The following CGNL1 variants were observed in gnomAD, a reference collection of about 807,000 sequenced individuals.
CGNL1 encodes the protein cingulin-like protein 1.
A neutral mutation model predicts 141.2 loss-of-function variants in CGNL1; 132 were observed. The ratio of observed to expected loss-of-function variants is 0.93; its 90% CI spans 0.81 to 1.08. The LOEUF is 1.08. CGNL1 is among the 50% of genes least tolerant of loss of function. The probability of loss-of-function intolerance (pLI) is 0.00; values close to 1 mark genes in which losing one functional copy is unlikely to be tolerated. For synonymous variants in CGNL1, 690 were observed against 622.1 expected, an observed-to-expected ratio of 1.11 and a Z score of -1.63; for missense variants, 1,870 against 1,588.6, an observed-to-expected ratio of 1.18 and a Z score of -3.01.
At chr15:57,443,867 A>C (rs1242336615) in intron 4 of CGNL1, among the ~76,000 whole-genome samples, 1 of 152,224 alleles carries the variant, frequency 6.6e-6, no homozygotes, top group Admixed American at 6.5e-5. Flanking sequence ...TTACAGAGCA[A>C]TATAAAGGGT....
intron 4 of CGNL1, among the ~76,000 whole-genome samples, 198 bp from the exon 5 acceptor site, chr15:57,451,302 C>A (rs2063318834): frequency 6.6e-6 from 1 of 152,108 alleles, no homozygotes. Context: ...TCACTGGAGT[C>A]CCAAGGCAGG....
intron 8 of CGNL1, among the ~76,000 whole-genome samples, chr15:57,506,411 C>T (rs1567159224): frequency 1.3e-5 from 2 of 152,132 alleles, no homozygotes; most frequent in African/African-American, 4.8e-5. Flanking sequence ...ATGTGAGGCT[C>T]CTTTTATCTC....
chr15:57,516,158 C>CAAAAAAA (rs10559176), intron 8 of CGNL1, among the ~76,000 whole-genome samples: 1 of 73,276 alleles, frequency 1.4e-5, no homozygotes, highest in Non-Finnish European at 2.6e-5. Flanking sequence ...GACTCTGTCT[C>CAAAAAAA]AAAAAAAAAA....
chr15:57,400,287 C>G lies in CGNL1; in HGVS notation c.-16+23720C>G, dbSNP rs113983974. ...GGATTATAGGCGTGAGCCATTGCAC[C>G]CAGCCTCTTCTCATTCTTAGGTCTG... On this transcript the variant is annotated intron_variant, in intron 1 of 18. Coordinates refer to ENST00000281282, the MANE Select transcript of CGNL1 (RefSeq NM_032866.5). Among the ~76,000 whole-genome samples the G allele has an allele frequency of 2.6e-3, 395 of 152,282 alleles. 2 individuals carry two copies. The highest frequency in any genetic ancestry group is 9.0e-3 in the African/African-American group (373 of 41,570).
chr15:57,395,572 T>C (rs1458062760), intron 1 of CGNL1, among the ~76,000 whole-genome samples: 1 of 152,200 alleles, frequency 6.6e-6, no homozygotes, highest in Non-Finnish European at 1.5e-5. Flanking sequence ...TATTGCACAG[T>C]GATTAAGGGC....
intron 8 of CGNL1, among the ~76,000 whole-genome samples, chr15:57,515,442 A>T (rs1261071438): frequency 6.6e-6 from 1 of 152,216 alleles, no homozygotes; most frequent in Non-Finnish European, 1.5e-5. Flanking sequence ...TCTAGCAGAT[A>T]CTTCTCCCAC....
intron 7 of CGNL1, among the ~76,000 whole-genome samples, chr15:57,458,713 A>G (rs1482868739): frequency 6.6e-6 from 1 of 152,174 alleles, no homozygotes; most frequent in East Asian, 1.9e-4. Context: ...AGCAACAGTA[A>G]TTCAGGAGAG....
At chr15:57,488,844 C>A (rs1424010301) in intron 8 of CGNL1, among the ~76,000 whole-genome samples, 7 of 152,180 alleles carry the variant, frequency 4.6e-5, no homozygotes, top group Admixed American at 3.9e-4. Context: ...GACTTCCGGG[C>A]TGTCAATGTA....
chr15:57,459,023 C>A (rs960544487), intron 7 of CGNL1, among the ~76,000 whole-genome samples: 1 of 152,060 alleles, frequency 6.6e-6, no homozygotes, highest in Admixed American at 6.5e-5. Context: ...ATCTCGTTGT[C>A]GGTTATACTT....
intron 10 of CGNL1, among the ~76,000 whole-genome samples, chr15:57,521,864 G>T (rs192863462): frequency 6.6e-6 from 1 of 152,216 alleles, no homozygotes; most frequent in East Asian, 1.9e-4. Flanking sequence ...TTTGGGGAGG[G>T]GGTTGAGTTG....
chr15:57,518,287 C>T, intron 9 of CGNL1, 106 bp from the exon 10 acceptor site: 1 of 786,830 alleles, frequency 1.3e-6, no homozygotes, highest in East Asian at 2.7e-5. Context: ...TGACCATAGC[C>T]ACTGCCATAT....
intron 14 of CGNL1, among the ~76,000 whole-genome samples, chr15:57,533,690 G>A (rs1231439136): frequency 6.6e-6 from 1 of 152,192 alleles, no homozygotes; most frequent in Non-Finnish European, 1.5e-5. Context: ...GCCCAACACT[G>A]ACAGAACTGA....
rs1201314188 is a variant in CGNL1 at position 57,523,652 on chromosome 15, G to A, written c.2868+11G>A. ...AAACTGCAGAAGGAGGTGAGGGGCT[G>A]GAGGAGGAAAGAGGAAGTAGGGCCA... On this transcript the variant is annotated intron_variant, in intron 11 of 18. Transcript: ENST00000281282. 9.3e-6 allele frequency: 15 copies of A among 1,613,520 alleles called. No homozygotes were observed. Among genetic ancestry groups the A allele is most frequent in the Non-Finnish European group, 1.3e-5 (15 of 1,179,810 alleles).
chr15:57,477,901 C>T (rs2063676812), intron 8 of CGNL1, among the ~76,000 whole-genome samples: 1 of 152,152 alleles, frequency 6.6e-6, no homozygotes, highest in Admixed American at 6.5e-5. Context: ...ACGTGGCTGG[C>T]AGGTGGTGAA....
chr15:57,544,456 T>C lies in CGNL1; in HGVS notation c.3376-17T>C, dbSNP rs1363758769. ...GGCAGACACATAGCCCCTCACAGTC[T>C]CCCTGTGTTGTTCCAGAACAAGGAC... is the stretch of plus-strand genomic sequence containing the variant. On this transcript the variant is annotated splice_polypyrimidine_tract_variant and intron_variant, in intron 15 of 18. Coordinates refer to ENST00000281282, the MANE Select transcript of CGNL1 (RefSeq NM_032866.5). The C allele has an allele frequency of 1.9e-6, 3 of 1,613,842 alleles. No individual in the cohort carries two copies. The Admixed American group carries it at 5.0e-5, about 27-fold the overall frequency.
intron 7 of CGNL1, among the ~76,000 whole-genome samples, chr15:57,460,496 A>G (rs192903079): frequency 1.6e-3 from 240 of 152,316 alleles, no homozygotes; most frequent in Admixed American, 6.8e-3. Context: ...TGATGTAAAG[A>G]TACTACCTGA....
chr15:57,394,268 C>T lies in CGNL1; in HGVS notation c.-16+17701C>T, dbSNP rs1018896886. Among the ~76,000 whole-genome samples, 18 of 151,858 alleles carry T rather than the reference C, an allele frequency of 1.2e-4. No homozygotes were observed. The East Asian group carries it at 3.3e-3, about 28-fold the overall frequency. On this transcript the variant is annotated intron_variant, in intron 1 of 18. Coordinates refer to ENST00000281282, the MANE Select transcript of CGNL1 (RefSeq NM_032866.5). ...CTGCCTGAGTAGCTGGGATTATAGG[C>T]ATGTGCCATCAAGCCCAGCTAATTT...
In CGNL1 at chr15:57,491,225, A is replaced by G. The variant is rs2063857840; in HGVS notation, c.2404-25555A>G. Among the ~76,000 whole-genome samples, 3 of 152,294 alleles carry G rather than the reference A, an allele frequency of 2.0e-5. No individual in the cohort carries two copies. The South Asian group carries it at 6.2e-4, about 32-fold the overall frequency. On this transcript the variant is annotated intron_variant, in intron 8 of 18. Coordinates refer to ENST00000281282, the MANE Select transcript of CGNL1 (RefSeq NM_032866.5). ...ACAGGGGAAGCCGAGTGTGGGATGAAAGGGAATTTTGTATTATTTTAGCAG... is the reference window on the plus strand; with the variant it reads ...ACAGGGGAAGCCGAGTGTGGGATGAGAGGGAATTTTGTATTATTTTAGCAG...
At chr15:57,543,903 G>A (rs1048346765) in intron 15 of CGNL1, 124 bp downstream of exon 15, 9 of 653,754 alleles carry the variant, frequency 1.4e-5, no homozygotes, top group African/African-American at 7.4e-5. Context: ...ACTCTGGGGG[G>A]TAACAGTCCT....
Sources: allele counts gnomAD v4.1 joint callset (sites outside exome capture counted in the v4.1 genomes callset), GRCh38; gene constraint gnomAD v4.1.1; transcripts MANE v1.5; gene names NCBI Gene and HGNC (gene_info 2026-07-23, HGNC 2026-07-21).